Variants in NPAS1 observed in about 807,000 individuals in gnomAD.
The protein encoded by NPAS1 is neuronal PAS domain protein 1, also known as neuronal PAS domain-containing protein 1.
A neutral mutation model predicts 49.2 loss-of-function variants in NPAS1; 29 were observed. That is an observed-to-expected ratio of 0.59 (90% CI 0.44 to 0.80). The LOEUF is 0.80. NPAS1 is among the 30% of genes least tolerant of loss of function. NPAS1 has a pLI of 0.00. For synonymous variants in NPAS1, 408 were observed against 380.4 expected (o/e 1.07, Z -0.84); for missense variants, 825 against 835.5 (o/e 0.99, Z 0.15).
chr19:47,028,449 G>A (rs1394047120), intron 3 of NPAS1, among the ~76,000 whole-genome samples: 3 of 152,184 alleles, frequency 2.0e-5, no homozygotes, highest in East Asian at 1.9e-4. Flanking sequence ...GGGGAGGGGC[G>A]GGGTTTCGCC....
rs532722410 is a variant in NPAS1 at position 47,038,116 on chromosome 19, G to A, written c.689-920G>A. 9.8e-4 allele frequency among the ~76,000 whole-genome samples: 149 copies of A among 152,220 alleles called. 1 individual carries two copies. The highest frequency in any genetic ancestry group is 2.4e-4 in the Non-Finnish European group (16 of 68,032). ...GCTTCTTGGAGGAGGAGAAGTCTGT[G>A]CTGAGACCTGGAGGATGGGTCCTGA... On this transcript the variant is annotated intron_variant, in intron 6 of 11. Coordinates refer to ENST00000602212, the MANE Select transcript of NPAS1 (RefSeq NM_002517.4).
chr19:47,035,234 G>A (rs903205077), intron 5 of NPAS1: 3 of 136,832 alleles, frequency 2.2e-5, no homozygotes, highest in African/African-American at 7.7e-5. Context: ...AAGGCTTGAA[G>A]CTGTTGAAGC....
chr19:47,020,835 C>T (rs2056834240), intron 1 of NPAS1, 171 bp from the exon 2 acceptor site: 2 of 391,312 alleles, frequency 5.1e-6, no homozygotes, highest in East Asian at 3.7e-5. Context: ...GCGCCAGCCC[C>T]GGGCCGGCTA....
intron 3 of NPAS1, among the ~76,000 whole-genome samples, chr19:47,022,770 T>A (rs562003336): frequency 2.3e-4 from 35 of 152,364 alleles, no homozygotes; most frequent in Admixed American, 1.1e-3. Context: ...CAAAGCAATA[T>A]AATCTAGAAT....
chr19:47,036,482 T>C (rs2056957731), intron 6 of NPAS1, among the ~76,000 whole-genome samples: 1 of 152,240 alleles, frequency 6.6e-6, no homozygotes, highest in South Asian at 2.1e-4. Flanking sequence ...GGCTCGCGCC[T>C]GTAACCCCGG....
At chr19:47,030,369 G>A (rs2056897894) in intron 3 of NPAS1, among the ~76,000 whole-genome samples, 1 of 152,048 alleles carries the variant, frequency 6.6e-6, no homozygotes, top group Non-Finnish European at 1.5e-5. Context: ...GTGGAGTGGT[G>A]TCTCATAGTG....
chr19:47,027,596 CCG>C (rs1468553061), intron 3 of NPAS1, among the ~76,000 whole-genome samples: 1 of 51,874 alleles, frequency 1.9e-5, no homozygotes, highest in African/African-American at 8.3e-5. Flanking sequence ...CCCTGGTCTC[CCG>C]TCTCTCTGCC....
chr19:47,043,024 C>A, intron 11 of NPAS1, 120 bp downstream of exon 11: 1 of 752,396 alleles, frequency 1.3e-6, no homozygotes, highest in South Asian at 2.5e-5. Flanking sequence ...AATTAAAATC[C>A]AGGCCGGTGC....
chr19:47,035,786 A>G (rs1416651708), intron 5 of NPAS1, 178 bp from the exon 6 acceptor site: 2 of 634,338 alleles, frequency 3.2e-6, no homozygotes, highest in African/African-American at 3.7e-5. Context: ...GAAGAGTCTA[A>G]GTTTGTATCT....
At chr19:47,032,594 A>G in intron 4 of NPAS1, 49 bp from the exon 5 acceptor site, 1 of 1,541,454 alleles carries the variant, frequency 6.5e-7, no homozygotes, top group Non-Finnish European at 9.0e-7. Context: ...GGCTGGACAG[A>G]GGGACACCGG....
chr19:47,034,222 G>T (rs570952401), intron 5 of NPAS1, among the ~76,000 whole-genome samples: 1 of 146,754 alleles, frequency 6.8e-6, no homozygotes, highest in East Asian at 2.1e-4. Context: ...GCTGAGGCAA[G>T]ATAATCACTT....
intron 6 of NPAS1, among the ~76,000 whole-genome samples, chr19:47,038,721 G>A (rs1345309839): frequency 6.6e-6 from 1 of 152,164 alleles, no homozygotes; most frequent in Non-Finnish European, 1.5e-5. Context: ...CAGCTACTTG[G>A]GAGGCTGAGG....
intron 8 of NPAS1, 102 bp from the exon 9 acceptor site, chr19:47,040,342 T>C (rs2057004599): frequency 1.4e-6 from 1 of 729,246 alleles, no homozygotes; most frequent in Non-Finnish European, 2.3e-6. Context: ...TTGCACCCAT[T>C]TTACAGCAAG....
rs376931498 is a variant in NPAS1 at position 47,040,963 on chromosome 19, C to G, written c.1070-15C>G. ...CACCCCACCCCCTTCCCATCTCTCC[C>G]TGGGCTGGGCCCAGTGCTGGACAAG... On this transcript the variant is annotated splice_polypyrimidine_tract_variant and intron_variant, in intron 9 of 11. Transcript: ENST00000602212. 5 of 1,453,988 alleles carry G rather than the reference C, an allele frequency of 3.4e-6. No individual in the cohort carries two copies. The highest frequency in any genetic ancestry group is 1.4e-5 in the African/African-American group (1 of 70,346). The allele number at this position is 1,453,988 out of a possible 1,614,324, so 90.1% of individuals were successfully genotyped here.
chr19:47,026,352 T>A (rs1599895352), intron 3 of NPAS1, among the ~76,000 whole-genome samples: 1 of 151,938 alleles, frequency 6.6e-6, no homozygotes, highest in Non-Finnish European at 1.5e-5. Flanking sequence ...CTGAGGCAGG[T>A]GGGGATCAGC....
At position 47,043,010 on chromosome 19, in the gene NPAS1, T is replaced by A. The variant is rs974308875; in HGVS notation, c.1312+106T>A. Reference sequence around the variant, plus strand: ...GCCACATGCAGCCATTTATATACAATTAAAATTAAAATCCAGGCCGGTGCG... The same window carrying A: ...GCCACATGCAGCCATTTATATACAAATAAAATTAAAATCCAGGCCGGTGCG... On this transcript the variant is annotated intron_variant, in intron 11 of 11. Coordinates refer to ENST00000602212, the MANE Select transcript of NPAS1 (RefSeq NM_002517.4). 2.6e-5 allele frequency: 22 copies of A among 840,096 alleles called. No homozygotes were observed. The South Asian group carries it at 4.9e-4, about 19-fold the overall frequency. 52.0% of individuals were successfully genotyped at this position (840,096 alleles called of 1,614,324 possible). A position where few individuals can be genotyped will look rare whatever the true frequency, so the allele number is the denominator to read the frequency against.
intron 5 of NPAS1, 165 bp from the exon 6 acceptor site, chr19:47,035,799 C>T: frequency 1.5e-6 from 1 of 666,570 alleles, no homozygotes. Flanking sequence ...TTGTATCTTC[C>T]GTTTGAAAGG....
rs1434966114 is a variant in NPAS1, at chr19:47,021,665, G to A, written c.176G>A (p.Gly59Glu). 2.6e-6 allele frequency: 4 copies of A among 1,559,026 alleles called. No homozygotes were observed. Among genetic ancestry groups the A allele is most frequent in the Admixed American group, 1.8e-5 (1 of 54,486 alleles). Residue 59 changes from glycine to glutamate, a missense_variant, in exon 3 of 12, where the codon GGG becomes GAG. Coordinates refer to ENST00000602212, the MANE Select transcript of NPAS1 (RefSeq NM_002517.4). This position sits in a 1 kb window ranked among gnomAD's most constrained non-coding sequence, Gnocchi z 5.7. ...CGGAACGCGGCGCGCTCGCGGCGCG[G>A]GAAGGAGAACCTGGAGTTCTTCGAG... Reference protein sequence around the residue: ...KSRNAARSRRGKENLEFFELA... With the variant: ...KSRNAARSRREKENLEFFELA...
chr19:47,031,958 G>A (rs1283761627), intron 3 of NPAS1, among the ~76,000 whole-genome samples: 1 of 152,130 alleles, frequency 6.6e-6, no homozygotes, highest in Non-Finnish European at 1.5e-5. Flanking sequence ...CCTGGTCACC[G>A]TTGCACTCCC....
Sources: allele counts gnomAD v4.1 joint callset (sites outside exome capture counted in the v4.1 genomes callset), GRCh38; gene constraint gnomAD v4.1.1; non-coding constraint Gnocchi (gnomAD v3.1); transcripts MANE v1.5; gene names NCBI Gene and HGNC (gene_info 2026-07-23, HGNC 2026-07-21).